KCNQ1: variants seen among roughly 807,000 people sequenced by gnomAD.
The protein encoded by KCNQ1 is potassium voltage-gated channel subfamily Q member 1, also known as potassium voltage-gated channel subfamily KQT member 1.
Under a neutral mutation model 72.4 loss-of-function variants are expected in KCNQ1, and 49 were observed. The observed-to-expected ratio is 0.68, with a 90% CI of 0.54 to 0.86. The LOEUF (loss-of-function observed/expected upper bound fraction) is 0.86. Among genes scored for constraint, KCNQ1 ranks in the 40% least tolerant of loss-of-function variants. KCNQ1 has a pLI of 0.00. For missense variants in KCNQ1, 790 were observed against 945.1 expected, an observed-to-expected ratio of 0.84 and a Z score of 2.15; for synonymous variants, 450 against 412.6, an observed-to-expected ratio of 1.09 and a Z score of -1.10.
chr11:2,562,830 G>T lies in KCNQ1; in HGVS notation c.478-7798G>T, dbSNP rs1848194530. Among the ~76,000 whole-genome samples the T allele has an allele frequency of 6.6e-6, 1 of 152,170 alleles. No homozygotes were observed. Among genetic ancestry groups the T allele is most frequent in the Admixed American group, 6.5e-5 (1 of 15,280 alleles). On this transcript the variant is annotated intron_variant, in intron 2 of 15. Transcript: ENST00000155840. This position sits in a 1 kb window ranked among gnomAD's most constrained non-coding sequence, Gnocchi z 7.5. ...ACCCTGGCCCCTTCCACAAAGCTCA[G>T]CTCTGATCCTTCGTATTTAATCTTC...
intron 2 of KCNQ1, 112 bp downstream of exon 2, chr11:2,528,130 C>G: frequency 1.1e-6 from 1 of 934,628 alleles, no homozygotes; most frequent in Non-Finnish European, 1.7e-6. Flanking sequence ...GCCCCTTGCC[C>G]ACACATTGGT....
At chr11:2,730,829 C>T (rs763406273) in intron 11 of KCNQ1, among the ~76,000 whole-genome samples, 12 of 152,172 alleles carry the variant, frequency 7.9e-5, no homozygotes, top group Admixed American at 5.2e-4. Context: ...GGATGGGGGA[C>T]AGACGCTGGA....
Position 2,660,748 on chromosome 11 carries a change from G to A in KCNQ1, c.1394-1213G>A, listed in dbSNP as rs926074631. On this transcript the variant is annotated intron_variant, in intron 10 of 15. Coordinates refer to ENST00000155840, the MANE Select transcript of KCNQ1 (RefSeq NM_000218.3). ...AACACTTCATTCAGGCATGGATGTG[G>A]GAAAGCTGGGGGAGCCTGAATTGCT... The A allele has an allele frequency of 6.0e-5, 24 of 398,600 alleles. No individual in the cohort carries two copies. The East Asian group carries it at 6.4e-4, about 11-fold the overall frequency. The allele number at this position is 398,600 out of a possible 1,614,324, so 24.7% of individuals were successfully genotyped here.
chr11:2,510,122 T>A (rs1847174288), intron 1 of KCNQ1, among the ~76,000 whole-genome samples: 1 of 151,160 alleles, frequency 6.6e-6, no homozygotes, highest in African/African-American at 2.4e-5. Context: ...AAAATTAAAA[T>A]ATTAATACTA....
At chr11:2,499,669 C>G (rs979171196) in intron 1 of KCNQ1, among the ~76,000 whole-genome samples, 6 of 151,736 alleles carry the variant, frequency 4.0e-5, no homozygotes, top group Non-Finnish European at 8.8e-5. Context: ...AGTAGCTATA[C>G]TTGTATTAGG....
Position 2,651,975 on chromosome 11 carries a change from T to C in KCNQ1, c.1394-9986T>C. 2.5e-6 allele frequency: 1 copy of C among 398,688 alleles called. No homozygotes were observed. The highest frequency in any genetic ancestry group is 4.4e-6 in the Non-Finnish European group (1 of 226,106). 24.7% of individuals were successfully genotyped at this position (398,688 alleles called of 1,614,324 possible). A position where few individuals can be genotyped will look rare whatever the true frequency, so the allele number is the denominator to read the frequency against. ...CAGCAGTGGGGGAGCCAAGCTGAGTTGATTACTTTTGACATCAGTTGTTAA... is the reference window on the plus strand; with the variant it reads ...CAGCAGTGGGGGAGCCAAGCTGAGTCGATTACTTTTGACATCAGTTGTTAA... On this transcript the variant is annotated intron_variant, in intron 10 of 15. Transcript: ENST00000155840. This position sits in a 1 kb window ranked among gnomAD's most constrained non-coding sequence, Gnocchi z 6.1.
chr11:2,652,239 C>G lies in KCNQ1; in HGVS notation c.1394-9722C>G. ...CGGATGCTGAGAATGAGGCCTGCAA[C>G]TCATTTCCCCATTAAACATTCTGAG... On this transcript the variant is annotated intron_variant, in intron 10 of 15. Transcript: ENST00000155840. The surrounding 1 kb of genome is among the most constrained non-coding windows in gnomAD (Gnocchi z 5.9). The G allele has an allele frequency of 2.5e-6, 1 of 398,668 alleles. No homozygotes were observed. The highest frequency in any genetic ancestry group is 4.4e-6 in the Non-Finnish European group (1 of 226,090). The allele number at this position is 398,668 out of a possible 1,614,324, so 24.7% of individuals were successfully genotyped here. A position where few individuals can be genotyped will look rare whatever the true frequency, so the allele number is the denominator to read the frequency against.
At chr11:2,596,227 G>A (rs763296258) in intron 10 of KCNQ1, among the ~76,000 whole-genome samples, 1 of 152,254 alleles carries the variant, frequency 6.6e-6, no homozygotes, top group Admixed American at 6.5e-5. Context: ...ATATGCTCCC[G>A]GTGAGAATGC....
In KCNQ1 at chr11:2,651,843, T is replaced by C; in HGVS notation, c.1394-10118T>C. On this transcript the variant is annotated intron_variant, in intron 10 of 15. Coordinates refer to ENST00000155840, the MANE Select transcript of KCNQ1 (RefSeq NM_000218.3). The surrounding 1 kb of genome is among the most constrained non-coding windows in gnomAD (Gnocchi z 6.1). ...AGCCCACAGGACCATACCAGACAGA[T>C]GCCACCACATCTTTTCTTGAAGTAG... is the stretch of plus-strand genomic sequence containing the variant. 2 of 398,666 alleles carry C rather than the reference T, an allele frequency of 5.0e-6. No individual in the cohort carries two copies. The highest frequency in any genetic ancestry group is 8.8e-6 in the Non-Finnish European group (2 of 226,092). 24.7% of individuals were successfully genotyped at this position (398,666 alleles called of 1,614,324 possible).
rs78188354 is a variant in KCNQ1 at position 2,557,226 on chromosome 11, T to G, written c.478-13402T>G. ...GAAGCCCAAACAAGACAAGTGTGAA[T>G]GAGATCAGGCACTATTAGAAGACCT... On this transcript the variant is annotated intron_variant, in intron 2 of 15. Transcript: ENST00000155840. Among the ~76,000 whole-genome samples the G allele has an allele frequency of 7.2e-5, 11 of 152,342 alleles. 1 individual carries two copies. Among genetic ancestry groups the G allele is most frequent in the Middle Eastern group, 6.8e-3 (2 of 294 alleles).
chr11:2,569,173 C>T (rs919109935), intron 2 of KCNQ1, among the ~76,000 whole-genome samples: 3 of 152,180 alleles, frequency 2.0e-5, no homozygotes, highest in Non-Finnish European at 2.9e-5. Flanking sequence ...CGTGAGCCCC[C>T]GCACCTGGCC....
At chr11:2,806,503 G>A (rs376029638) in intron 15 of KCNQ1, among the ~76,000 whole-genome samples, 2 of 152,212 alleles carry the variant, frequency 1.3e-5, no homozygotes, top group South Asian at 2.1e-4. Context: ...GCTGTGTAAC[G>A]CAGGCTTGCC....
chr11:2,776,120 G>A, intron 13 of KCNQ1, 66 bp downstream of exon 13: 1 of 1,353,848 alleles, frequency 7.4e-7, no homozygotes, highest in Non-Finnish European at 1.0e-6. Context: ...CCAGCTGCAT[G>A]ATCAGCGGTG....
Position 2,608,344 on chromosome 11 carries a change from T to C in KCNQ1, c.1393+19490T>C. On this transcript the variant is annotated intron_variant, in intron 10 of 15. Coordinates refer to ENST00000155840, the MANE Select transcript of KCNQ1 (RefSeq NM_000218.3). The surrounding 1 kb of genome is among the most constrained non-coding windows in gnomAD (Gnocchi z 4.6). The stretch of plus-strand genomic sequence containing the variant: ...CTTATTTCTTAGTCAGTTTTCATAG[T>C]TTTCATCTTTCTAGGAATTTGTCAA... 5.0e-6 allele frequency: 2 copies of C among 398,594 alleles called. No individual in the cohort carries two copies. Among genetic ancestry groups the C allele is most frequent in the Non-Finnish European group, 8.8e-6 (2 of 226,056 alleles). The allele number at this position is 398,594 out of a possible 1,614,324, so 24.7% of individuals were successfully genotyped here. A position where few individuals can be genotyped will look rare whatever the true frequency, so the allele number is the denominator to read the frequency against.
chr11:2,534,449 AC>A (rs1847695193), intron 2 of KCNQ1, among the ~76,000 whole-genome samples: 1 of 152,080 alleles, frequency 6.6e-6, no homozygotes. Context: ...ATTTTCCTCC[AC>A]CCACCCCGAG....
chr11:2,823,118 C>G (rs1302529333), intron 15 of KCNQ1, among the ~76,000 whole-genome samples: 6 of 152,112 alleles, frequency 3.9e-5, no homozygotes, highest in Non-Finnish European at 8.8e-5. Flanking sequence ...CTGAGAACCT[C>G]TAGCAGAAAA....
chr11:2,666,102 A>C, intron 11 of KCNQ1: 1 of 398,650 alleles, frequency 2.5e-6, no homozygotes, highest in Non-Finnish European at 4.4e-6. Context: ...CAGCCCAGTC[A>C]TGTGGTTTCT....
At chr11:2,744,569 C>G (rs922931171) in intron 11 of KCNQ1, among the ~76,000 whole-genome samples, 2 of 152,184 alleles carry the variant, frequency 1.3e-5, no homozygotes, top group Admixed American at 6.5e-5. Context: ...TCCTGGGCCC[C>G]ATGCCATGCC....
chr11:2,820,996 T>C (rs1473575819), intron 15 of KCNQ1, among the ~76,000 whole-genome samples: 2 of 152,234 alleles, frequency 1.3e-5, no homozygotes, highest in Non-Finnish European at 1.5e-5. Context: ...TCTAGGCCCA[T>C]CTAAGCGAGG....
Sources: allele counts gnomAD v4.1 joint callset (sites outside exome capture counted in the v4.1 genomes callset), GRCh38; gene constraint gnomAD v4.1.1; non-coding constraint Gnocchi (gnomAD v3.1); transcripts MANE v1.5; gene names NCBI Gene and HGNC (gene_info 2026-07-23, HGNC 2026-07-21).